The following AGAP3 variants were observed in gnomAD, a reference collection of about 807,000 sequenced individuals.
AGAP3 encodes ArfGAP with GTPase domain, ankyrin repeat and PH domain 3.
AGAP3 carries 24 observed loss-of-function variants against 96.9 expected under a neutral mutation model. That is an observed-to-expected ratio of 0.25 (90% CI 0.18 to 0.35). The LOEUF (loss-of-function observed/expected upper bound fraction) is 0.35, where lower values mean the gene tolerates loss of function less well. Ranked by LOEUF, AGAP3 falls within the 10% of genes least tolerant of loss-of-function variation. The pLI, the probability that AGAP3 is intolerant of heterozygous loss-of-function variation, is 1.00. For missense variants in AGAP3, 876 were observed against 1,254.2 expected, an observed-to-expected ratio of 0.70 and a Z score of 4.55; for synonymous variants, 563 against 536.1, an observed-to-expected ratio of 1.05 and a Z score of -0.69.
At chr7:151,088,945 C>T (rs1798267221) in intron 1 of AGAP3, among the ~76,000 whole-genome samples, 1 of 152,170 alleles carries the variant, frequency 6.6e-6, no homozygotes, top group Non-Finnish European at 1.5e-5. Context: ...CGGCCTCACC[C>T]TCGTGAAATC....
chr7:151,123,838 G>A lies in AGAP3; in HGVS notation c.1173G>A (p.Glu391=), dbSNP rs577356501. 2 of 1,612,492 alleles carry A rather than the reference G, an allele frequency of 1.2e-6. No homozygotes were observed. Among genetic ancestry groups the A allele is most frequent in the East Asian group, 4.5e-5 (2 of 44,882 alleles). Residue 391 remains glutamate (E), a synonymous_variant, in exon 9 of 18, where the codon GAG becomes GAA. Coordinates refer to ENST00000397238, the MANE Select transcript of AGAP3 (RefSeq NM_031946.7). ...ADLDREKKAA[E]CKVDSIGSGR... is the part of the protein sequence containing the mutation. ...TGGACCGGGAGAAGAAGGCTGCCGA[G>A]TGCAAGGTGGACAGCATCGGGAGCG...
chr7:151,124,407 C>G (rs112186770), intron 9 of AGAP3, among the ~76,000 whole-genome samples: 2 of 152,232 alleles, frequency 1.3e-5, no homozygotes, highest in East Asian at 1.9e-4. Flanking sequence ...TCCACACCTC[C>G]GGTCTTGGAT....
rs768464341 is a variant in AGAP3, at chr7:151,120,806, T to TG, written c.1128+666dup. On this transcript the variant is annotated intron_variant, in intron 8 of 17. Transcript: ENST00000397238. The stretch of plus-strand genomic sequence containing the variant: ...CCTCACAAACCTCACACCCCACACC[T>TG]GGGGGCTGTTGTGCTGGCCCGGCTG... The TG allele has an allele frequency of 5.2e-4, 609 of 1,171,120 alleles. 1 individual carries two copies. The highest frequency in any genetic ancestry group is 6.1e-4 in the Non-Finnish European group (568 of 931,506). 72.5% of individuals were successfully genotyped at this position (1,171,120 alleles called of 1,614,324 possible). A position where few individuals can be genotyped will look rare whatever the true frequency, so the allele number is the denominator to read the frequency against.
At chr7:151,089,290 AG>A (rs1798288952) in intron 1 of AGAP3, among the ~76,000 whole-genome samples, 1 of 152,106 alleles carries the variant, frequency 6.6e-6, no homozygotes, top group African/African-American at 2.4e-5. Flanking sequence ...TTCTGCGAGG[AG>A]GGAGAGGCGC....
At chr7:151,128,124 G>A (rs1001428484) in intron 9 of AGAP3, among the ~76,000 whole-genome samples, 9 of 152,142 alleles carry the variant, frequency 5.9e-5, no homozygotes, top group African/African-American at 2.2e-4. Flanking sequence ...GGGGTGGAAG[G>A]CCAGGAACTT....
rs1270305507 is a variant in AGAP3 at position 151,142,449 on chromosome 7, G to A, written c.2088G>A (p.Met696Ile). The A allele has an allele frequency of 6.2e-7, 1 of 1,614,010 alleles. No homozygotes were observed. The highest frequency in any genetic ancestry group is 8.5e-7 in the Non-Finnish European group (1 of 1,180,018). Residue 696 changes from methionine to isoleucine, a missense_variant, in exon 16 of 18, where the codon ATG becomes ATA. By Grantham distance (10) the Met-to-Ile change is conservative (BLOSUM62 1). Around this residue, in one of 8 missense-constraint regions of AGAP3, gnomAD observed 103 missense variants for 183.0 expected, o/e 0.56. Coordinates refer to ENST00000397238, the MANE Select transcript of AGAP3 (RefSeq NM_031946.7). The surrounding 1 kb of genome is among the most constrained non-coding windows in gnomAD (Gnocchi z 7.5). ...DWASLNLGAL[M>I]CIECSGIHRH... is the part of the protein sequence containing the mutation. ...CCAGCCTGAACCTGGGTGCCCTGAT[G>A]TGCATTGAGTGCTCAGGCATCCACC...
Position 151,144,000 on chromosome 7 carries a change from C to T in AGAP3, c.*57C>T, listed in dbSNP as rs550767884. The T allele has an allele frequency of 9.8e-5, 150 of 1,522,866 alleles. 2 individuals carry two copies. The South Asian group carries it at 1.7e-3, about 17-fold the overall frequency. 94.3% of individuals were successfully genotyped at this position (1,522,866 alleles called of 1,614,324 possible). A position where few individuals can be genotyped will look rare whatever the true frequency, so the allele number is the denominator to read the frequency against. Reference sequence around the variant, plus strand: ...ACTCCATGGCCCAAAGACCCTCCTCCCTGCAGGCACTGTGGGAACAGACAC... The same window carrying T: ...ACTCCATGGCCCAAAGACCCTCCTCTCTGCAGGCACTGTGGGAACAGACAC... On this transcript the variant is annotated 3_prime_UTR_variant, in exon 18 of 18. Coordinates refer to ENST00000397238, the MANE Select transcript of AGAP3 (RefSeq NM_031946.7). This position sits in a 1 kb window ranked among gnomAD's most constrained non-coding sequence, Gnocchi z 5.9.
chr7:151,109,700 T>G (rs1237247322), intron 1 of AGAP3, among the ~76,000 whole-genome samples: 1 of 152,176 alleles, frequency 6.6e-6, no homozygotes, highest in African/African-American at 2.4e-5. Flanking sequence ...GTCCTCCGTA[T>G]CTCTGAGGTC....
In AGAP3 at chr7:151,094,582, TAGTG is replaced by T. The variant is rs1450306994; in HGVS notation, c.331+7513_331+7516del. On this transcript the variant is annotated intron_variant, in intron 1 of 17. Transcript: ENST00000397238. ...TCATTATTGGATTCACTTTGACTAT[TAGTG>T]AGAGTTGATATTAAAACATTTTTGA... is the stretch of plus-strand genomic sequence containing the variant. Among the ~76,000 whole-genome samples, 4 of 152,278 alleles carry T rather than the reference TAGTG, an allele frequency of 2.6e-5. No homozygotes were observed. The East Asian group carries it at 7.7e-4, about 29-fold the overall frequency.
intron 1 of AGAP3, among the ~76,000 whole-genome samples, chr7:151,089,129 C>T (rs749091582): frequency 9.9e-5 from 15 of 151,478 alleles, no homozygotes; most frequent in African/African-American, 3.4e-4. Context: ...ACCCGTCTTG[C>T]GTTCCCACTT....
At chr7:151,110,113 T>C (rs1343348939) in intron 1 of AGAP3, among the ~76,000 whole-genome samples, 1 of 152,212 alleles carries the variant, frequency 6.6e-6, no homozygotes, top group African/African-American at 2.4e-5. Flanking sequence ...GTGCAGATTA[T>C]TTTGCCTGTG....
intron 2 of AGAP3, 42 bp downstream of exon 2, chr7:151,116,893 G>T (rs776995682): frequency 1.2e-4 from 198 of 1,610,430 alleles, no homozygotes; most frequent in Non-Finnish European, 1.6e-4. Context: ...CTGGAGCTGG[G>T]GGGGCGAGGC....
At chr7:151,115,379 C>A in intron 1 of AGAP3, 1 of 1,021,274 alleles carries the variant, frequency 9.8e-7, no homozygotes, top group Non-Finnish European at 1.2e-6. Flanking sequence ...TGCGGCGCTC[C>A]GAGTCAGGGC....
intron 1 of AGAP3, among the ~76,000 whole-genome samples, chr7:151,109,465 C>T (rs1266685860): frequency 6.6e-6 from 1 of 152,222 alleles, no homozygotes; most frequent in Non-Finnish European, 1.5e-5. Context: ...CACCTCTCTT[C>T]CTGGCTTGTC....
At chr7:151,128,283 C>A (rs1170126031) in intron 9 of AGAP3, 2 of 406,314 alleles carry the variant, frequency 4.9e-6, no homozygotes, top group Admixed American at 7.1e-5. Flanking sequence ...GGTCTACACC[C>A]CTGACAGGCT....
chr7:151,122,547 TCTC>T (rs1442372603), intron 8 of AGAP3, among the ~76,000 whole-genome samples: 2 of 149,966 alleles, frequency 1.3e-5, no homozygotes, highest in Admixed American at 6.6e-5. Flanking sequence ...TCCTCCTCCT[TCTC>T]CTCCTCCTCC....
chr7:151,123,478 G>T, intron 8 of AGAP3: 1 of 1,181,818 alleles, frequency 8.5e-7, no homozygotes, highest in East Asian at 4.6e-5. Context: ...CAGCCCCACC[G>T]TCCACCTCCT....
chr7:151,143,437 C>G lies in AGAP3; in HGVS notation c.2370C>G (p.Leu790=), dbSNP rs1800899469. The G allele has an allele frequency of 6.2e-7, 1 of 1,614,100 alleles. No individual in the cohort carries two copies. The highest frequency in any genetic ancestry group is 8.5e-7 in the Non-Finnish European group (1 of 1,180,054). The stretch of plus-strand genomic sequence containing the variant: ...ATGTGCCACTGGGGCAGCAGCTGCT[C>G]CGGGCCGTGGTGGAAGATGACCTGC... ...SSDVPLGQQL[L]RAVVEDDLRL... The change falls in exon 17 of 18, where the codon CTC becomes CTG. Residue 790 remains leucine (L), a synonymous_variant. Transcript: ENST00000397238. The surrounding 1 kb of genome is among the most constrained non-coding windows in gnomAD (Gnocchi z 5.9).
intron 1 of AGAP3, chr7:151,087,290 C>T (rs1444372546): frequency 6.8e-6 from 4 of 591,248 alleles, no homozygotes; most frequent in South Asian, 1.9e-5. Context: ...TTTCTGCTGA[C>T]TGTGTTCCAG....
Sources: gnomAD v4.1 joint callset for allele counts (sites outside exome capture counted in the v4.1 genomes callset) on GRCh38, gnomAD v4.1.1 for gene constraint, gnomAD v4.1.1 regional missense constraint, Gnocchi (gnomAD v3.1) non-coding constraint, MANE v1.5 for transcripts, NCBI Gene and HGNC (gene_info 2026-07-23, HGNC 2026-07-21) for gene names.